The following PPME1 variants were observed in gnomAD, a reference collection of about 807,000 sequenced individuals.
PPME1 encodes the protein protein phosphatase methylesterase 1.
Under a neutral mutation model 56.9 loss-of-function variants are expected in PPME1, and 17 were observed. That is an observed-to-expected ratio of 0.30 (90% confidence interval 0.20 to 0.45). The LOEUF (loss-of-function observed/expected upper bound fraction) is 0.45. Among genes scored for constraint, PPME1 ranks in the 20% least tolerant of loss-of-function variants. The probability of loss-of-function intolerance (pLI) is 1.00; values close to 1 mark genes in which losing one functional copy is unlikely to be tolerated. For synonymous variants in PPME1, 122 were observed against 156.2 expected, an observed-to-expected ratio of 0.78 and a Z score of 1.63; for missense variants, 357 against 483.2, an observed-to-expected ratio of 0.74 and a Z score of 2.45.
chr11:74,183,707 T>C (rs1857599276), intron 1 of PPME1, among the ~76,000 whole-genome samples: 2 of 152,230 alleles, frequency 1.3e-5, no homozygotes, highest in Non-Finnish European at 2.9e-5. Context: ...TTTTCTTAGC[T>C]TTTCATCTTA....
chr11:74,216,829 G>A (rs1858659413), intron 3 of PPME1, among the ~76,000 whole-genome samples: 1 of 152,080 alleles, frequency 6.6e-6, no homozygotes, highest in South Asian at 2.1e-4. Flanking sequence ...ATTACTAGAG[G>A]ATACTATGAG....
chr11:74,231,132 A>G, intron 7 of PPME1, 130 bp downstream of exon 7: 2 of 734,494 alleles, frequency 2.7e-6, no homozygotes, highest in South Asian at 3.5e-5. Flanking sequence ...ATCCTAGCTC[A>G]CTGCAACCTT....
chr11:74,201,262 A>G (rs1380350937), intron 1 of PPME1, among the ~76,000 whole-genome samples: 3 of 152,182 alleles, frequency 2.0e-5, no homozygotes, highest in Admixed American at 6.5e-5. Context: ...GGCGTGAGCC[A>G]CCGCGCCCGG....
intron 1 of PPME1, among the ~76,000 whole-genome samples, chr11:74,200,340 A>T (rs1858120269): frequency 1.3e-5 from 2 of 149,682 alleles, no homozygotes; most frequent in Non-Finnish European, 3.0e-5. Flanking sequence ...CTTCTAGTTT[A>T]TAAACAGTCA....
intron 13 of PPME1, chr11:74,252,637 A>T (rs748577840): frequency 1.3e-4 from 54 of 421,684 alleles, no homozygotes; most frequent in Admixed American, 5.1e-4. Context: ...GCATTGTAGG[A>T]TGCTTAGCAG....
chr11:74,192,583 T>C (rs1857868855), intron 1 of PPME1, among the ~76,000 whole-genome samples: 1 of 152,140 alleles, frequency 6.6e-6, no homozygotes, highest in South Asian at 2.1e-4. Flanking sequence ...AATCTCGTGT[T>C]GAAATGTAAT....
intron 1 of PPME1, among the ~76,000 whole-genome samples, chr11:74,191,045 C>G (rs188595908): frequency 6.6e-6 from 1 of 152,316 alleles, no homozygotes; most frequent in Non-Finnish European, 1.5e-5. Context: ...GTATCAGATA[C>G]AGGAGCAAAG....
rs762640280 is a variant in PPME1, at chr11:74,204,442, C to T, written c.285C>T (p.Phe95=). ...GGHSALSWAV[F]TAAIISRVQC... is the part of the protein sequence containing the mutation. ...ATTCTGCCCTTTCTTGGGCTGTGTT[C>T]ACGGTAAGTAGGTTGTTGATAGTAC... The change falls in exon 3 of 14, where the codon TTC becomes TTT. Residue 95 remains phenylalanine (F), a synonymous_variant. Coordinates refer to ENST00000328257, the MANE Select transcript of PPME1 (RefSeq NM_016147.3). 6.2e-7 allele frequency: 1 copy of T among 1,608,724 alleles called. No individual in the cohort carries two copies. Among genetic ancestry groups the T allele is most frequent in the Admixed American group, 1.7e-5 (1 of 59,854 alleles).
At chr11:74,227,401 G>A (rs983479319) in intron 5 of PPME1, among the ~76,000 whole-genome samples, 3 of 151,630 alleles carry the variant, frequency 2.0e-5, no homozygotes, top group Admixed American at 6.6e-5. Flanking sequence ...TCAAAAGGGC[G>A]AACAAATTGG....
chr11:74,245,032 G>A (rs562278447), intron 9 of PPME1, among the ~76,000 whole-genome samples: 1 of 152,026 alleles, frequency 6.6e-6, no homozygotes, highest in Admixed American at 6.6e-5. Flanking sequence ...TTATTTTTGG[G>A]CTCTCTATTC....
chr11:74,173,925 C>T (rs188441309), intron 1 of PPME1, among the ~76,000 whole-genome samples: 3 of 152,268 alleles, frequency 2.0e-5, no homozygotes, highest in African/African-American at 4.8e-5. Context: ...TTAGAAAGGC[C>T]TTTCTTTATG....
intron 1 of PPME1, among the ~76,000 whole-genome samples, chr11:74,184,901 T>G (rs1415595936): frequency 6.6e-6 from 1 of 151,962 alleles, no homozygotes; most frequent in Non-Finnish European, 1.5e-5. Context: ...TGAGATTAAA[T>G]TAGCTGCTTA....
chr11:74,221,755 C>A (rs188561314), intron 3 of PPME1, among the ~76,000 whole-genome samples: 1 of 152,132 alleles, frequency 6.6e-6, no homozygotes, highest in Non-Finnish European at 1.5e-5. Context: ...TAAAATTGTA[C>A]CTCCCCCATG....
chr11:74,173,644 T>A (rs1178019593), intron 1 of PPME1, among the ~76,000 whole-genome samples: 1 of 152,124 alleles, frequency 6.6e-6, no homozygotes, highest in African/African-American at 2.4e-5. Context: ...CGGGCTCAAG[T>A]GATTCTTGTG....
intron 3 of PPME1, among the ~76,000 whole-genome samples, chr11:74,221,207 A>C (rs1270232941): frequency 6.6e-6 from 1 of 152,178 alleles, no homozygotes; most frequent in Admixed American, 6.6e-5. Context: ...TATTATCTAG[A>C]GCAATCAAGC....
chr11:74,191,007 A>T (rs1857822595), intron 1 of PPME1, among the ~76,000 whole-genome samples: 1 of 152,206 alleles, frequency 6.6e-6, no homozygotes, highest in Non-Finnish European at 1.5e-5. Flanking sequence ...AGCATTCAAG[A>T]GGTGACCTGG....
chr11:74,172,123 G>C (rs1857263098), intron 1 of PPME1, among the ~76,000 whole-genome samples: 1 of 152,062 alleles, frequency 6.6e-6, no homozygotes, highest in Non-Finnish European at 1.5e-5. Flanking sequence ...GGTGAGATTA[G>C]GTCTCTTAAG....
chr11:74,187,091 A>G (rs528859027), intron 1 of PPME1, among the ~76,000 whole-genome samples: 9 of 152,304 alleles, frequency 5.9e-5, no homozygotes, highest in African/African-American at 1.7e-4. Flanking sequence ...CCTCAATTCT[A>G]TATCATTGAT....
At position 74,217,065 on chromosome 11, in the gene PPME1, C is replaced by T. The variant is rs115771921; in HGVS notation, c.289-5247C>T. On this transcript the variant is annotated intron_variant, in intron 3 of 13. Coordinates refer to ENST00000328257, the MANE Select transcript of PPME1 (RefSeq NM_016147.3). ...TAAAAAAGAAATAACACCAGTCCTA[C>T]TCAAACTATTCTGAAAAATAGAGGA... is the stretch of plus-strand genomic sequence containing the variant. Among the ~76,000 whole-genome samples, 1,191 of 152,258 alleles carry T rather than the reference C, an allele frequency of 7.8e-3. 10 individuals are homozygous for T. The highest frequency in any genetic ancestry group is 0.026 in the African/African-American group (1,097 of 41,534).
Sources: gnomAD v4.1 joint callset for allele counts (sites outside exome capture counted in the v4.1 genomes callset) on GRCh38, gnomAD v4.1.1 for gene constraint, MANE v1.5 for transcripts, NCBI Gene and HGNC (gene_info 2026-07-23, HGNC 2026-07-21) for gene names.